The following LINGO2 variants were observed in gnomAD, a reference collection of about 807,000 sequenced individuals.
LINGO2 encodes the protein leucine-rich repeat and immunoglobulin-like domain-containing nogo receptor-interacting protein 2.
LINGO2 carries 14 observed loss-of-function variants against 30.6 expected under a neutral mutation model. That is an observed-to-expected ratio of 0.46 (90% CI 0.30 to 0.72). LINGO2 has a LOEUF of 0.72. LINGO2 is among the 30% of genes least tolerant of loss of function. The pLI is 0.07. For missense variants in LINGO2, 729 were observed against 751.7 expected (o/e 0.97, Z 0.35); for synonymous variants, 317 against 288.5 (o/e 1.10, Z -1.00).
chr9:28,228,367 G>A (rs994404391), intron 4 of LINGO2, among the ~76,000 whole-genome samples: 3 of 151,828 alleles, frequency 2.0e-5, no homozygotes, highest in Non-Finnish European at 4.4e-5. Flanking sequence ...TCTTAGTTTT[G>A]CCCTGTGGAA....
chr9:29,043,097 A>G, the LINGO2 span, among the ~76,000 whole-genome samples: 3 of 151,972 alleles, frequency 2.0e-5, no homozygotes, highest in Non-Finnish European at 4.4e-5. Context: ...TTTTAAACAA[A>G]AACAACAGCA....
At chr9:29,014,602 C>T in the LINGO2 span, among the ~76,000 whole-genome samples, 6,262 of 152,168 alleles carry the variant, frequency 0.041, 197 homozygotes, top group Admixed American at 0.081. Context: ...GCTCAAAACC[C>T]AGTTAATATG....
intron 1 of LINGO2, among the ~76,000 whole-genome samples, chr9:28,637,806 C>G (rs1278349304): frequency 6.6e-6 from 1 of 152,042 alleles, no homozygotes; most frequent in African/African-American, 2.4e-5. Flanking sequence ...AATTGAATAC[C>G]CTTTATTTCT....
the LINGO2 span, among the ~76,000 whole-genome samples, chr9:28,802,531 T>C: frequency 6.6e-6 from 1 of 151,476 alleles, no homozygotes; most frequent in Non-Finnish European, 1.5e-5. Context: ...ATAAGTGATA[T>C]TTTCAAAAAT....
chr9:28,254,831 A>G lies in LINGO2; in HGVS notation c.-87+40377T>C, dbSNP rs113984579. Among the ~76,000 whole-genome samples the G allele has an allele frequency of 9.5e-3, 1,439 of 152,214 alleles. 28 individuals are homozygous for G. The highest frequency in any genetic ancestry group is 0.033 in the African/African-American group (1,374 of 41,538). ...TGTTATATAGGTAAAAACTTGTGTCATGGGGGTTTGTTGTACAGATTATTT... is the reference window on the plus strand; with the variant it reads ...TGTTATATAGGTAAAAACTTGTGTCGTGGGGGTTTGTTGTACAGATTATTT... On this transcript the variant is annotated intron_variant, in intron 4 of 5. Coordinates refer to ENST00000379992, the Ensembl canonical transcript of LINGO2.
the LINGO2 span, among the ~76,000 whole-genome samples, chr9:29,106,709 T>G: frequency 6.6e-6 from 1 of 152,208 alleles, no homozygotes; most frequent in Admixed American, 6.5e-5. Flanking sequence ...AACTATTAAT[T>G]AAGCCCCTGT....
At chr9:28,846,144 C>G in the LINGO2 span, among the ~76,000 whole-genome samples, 1 of 151,662 alleles carries the variant, frequency 6.6e-6, no homozygotes, top group Non-Finnish European at 1.5e-5. Context: ...AGTAGAGAAT[C>G]CCTCAGAGAT....
intron 4 of LINGO2, among the ~76,000 whole-genome samples, chr9:28,092,882 C>T (rs1403869122): frequency 6.6e-6 from 1 of 151,922 alleles, no homozygotes; most frequent in Non-Finnish European, 1.5e-5. Context: ...GTTTACTGAG[C>T]CCTTCTCATA....
At chr9:28,577,095 A>G (rs1824027274) in intron 1 of LINGO2, among the ~76,000 whole-genome samples, 1 of 152,166 alleles carries the variant, frequency 6.6e-6, no homozygotes, top group Non-Finnish European at 1.5e-5. Context: ...AAATTTTAAT[A>G]GCCTTTCCCC....
chr9:28,600,517 T>G (rs1825415835), intron 1 of LINGO2, among the ~76,000 whole-genome samples: 1 of 152,124 alleles, frequency 6.6e-6, no homozygotes, highest in Non-Finnish European at 1.5e-5. Flanking sequence ...TATCATCTCT[T>G]TGGTCACATG....
At chr9:28,988,650 G>A in the LINGO2 span, among the ~76,000 whole-genome samples, 1 of 152,142 alleles carries the variant, frequency 6.6e-6, no homozygotes. Context: ...ATTCCCCATG[G>A]GGTAAGACCA....
At chr9:28,737,886 T>C in the LINGO2 span, among the ~76,000 whole-genome samples, 8 of 152,048 alleles carry the variant, frequency 5.3e-5, no homozygotes, top group African/African-American at 1.9e-4. Flanking sequence ...AGGAAAATAA[T>C]GTATCCTCGA....
At chr9:29,199,321 G>C in the LINGO2 span, among the ~76,000 whole-genome samples, 5 of 152,038 alleles carry the variant, frequency 3.3e-5, no homozygotes, top group Admixed American at 3.3e-4. Context: ...CCTACCATGT[G>C]TCCAAGAGGC....
chr9:28,482,036 G>A (rs1202448967), intron 1 of LINGO2, among the ~76,000 whole-genome samples: 4 of 152,024 alleles, frequency 2.6e-5, no homozygotes. Flanking sequence ...TTAGACATTT[G>A]GGTTGGTTCC....
intron 1 of LINGO2, among the ~76,000 whole-genome samples, chr9:28,581,446 T>G (rs2135653851): frequency 6.6e-6 from 1 of 151,696 alleles, no homozygotes; most frequent in African/African-American, 2.4e-5. Context: ...TATGATGATT[T>G]GATTTTTTTA....
chr9:28,317,055 A>G (rs1460240396), intron 3 of LINGO2, among the ~76,000 whole-genome samples: 3 of 152,190 alleles, frequency 2.0e-5, no homozygotes, highest in Admixed American at 6.5e-5. Flanking sequence ...TTTCTTAGAA[A>G]AACTAAGTTC....
At chr9:28,088,652 C>A (rs781584963) in intron 4 of LINGO2, among the ~76,000 whole-genome samples, 4 of 152,056 alleles carry the variant, frequency 2.6e-5, no homozygotes, top group Non-Finnish European at 5.9e-5. Flanking sequence ...GAAACTGTAT[C>A]AACTAAAGAG....
the LINGO2 span, among the ~76,000 whole-genome samples, chr9:29,032,727 A>G: frequency 6.6e-6 from 1 of 152,188 alleles, no homozygotes; most frequent in African/African-American, 2.4e-5. Context: ...CATTAGCCAC[A>G]TGTGACTATT....
intron 4 of LINGO2, among the ~76,000 whole-genome samples, chr9:28,071,546 A>G (rs1052428791): frequency 2.6e-5 from 4 of 151,444 alleles, no homozygotes; most frequent in Non-Finnish European, 4.4e-5. Context: ...TATTCTTTAG[A>G]TGGTCTTAAA....
Sources: allele counts gnomAD v4.1 joint callset (sites outside exome capture counted in the v4.1 genomes callset), GRCh38; gene constraint gnomAD v4.1.1; transcripts MANE v1.5; gene names NCBI Gene and HGNC (gene_info 2026-07-23, HGNC 2026-07-21).